The following NCKAP5 variants were observed in gnomAD, a reference collection of about 807,000 sequenced individuals.
The protein encoded by NCKAP5 is nck-associated protein 5.
Under a neutral mutation model 167.0 loss-of-function variants are expected in NCKAP5, and 92 were observed. The observed-to-expected ratio is 0.55, with a 90% CI of 0.47 to 0.66. The LOEUF is 0.66. NCKAP5 is among the 30% of genes least tolerant of loss of function. The probability of loss-of-function intolerance (pLI) is 0.00; values close to 1 mark genes in which losing one functional copy is unlikely to be tolerated. For synonymous variants in NCKAP5, 891 were observed against 877.4 expected, an observed-to-expected ratio of 1.02 and a Z score of -0.27; for missense variants, 2,378 against 2,315.0, an observed-to-expected ratio of 1.03 and a Z score of -0.56.
At chr2:133,208,516 T>C (rs1483895288) in intron 5 of NCKAP5, among the ~76,000 whole-genome samples, 3 of 152,142 alleles carry the variant, frequency 2.0e-5, no homozygotes, top group Non-Finnish European at 4.4e-5. Flanking sequence ...CAGTACTTCT[T>C]AAAACTACCA....
In NCKAP5 at chr2:133,224,984, T is replaced by C. The variant is rs79502690; in HGVS notation, c.144-11205A>G. Among the ~76,000 whole-genome samples the C allele has an allele frequency of 4.9e-3, 745 of 152,310 alleles. 5 individuals carry two copies. The highest frequency in any genetic ancestry group is 0.017 in the African/African-American group (713 of 41,574). On this transcript the variant is annotated intron_variant, in intron 4 of 19. Coordinates refer to ENST00000409261, the MANE Select transcript of NCKAP5 (RefSeq NM_207363.3). ...GTATTCCTTATGTTGCCACGCTCTC[T>C]AAGAAACTTGGAATTCCCTATGTTT...
chr2:133,125,115 C>T (rs570195041), intron 6 of NCKAP5, among the ~76,000 whole-genome samples: 2 of 152,168 alleles, frequency 1.3e-5, no homozygotes, highest in South Asian at 4.2e-4. Flanking sequence ...ACAGAGATAC[C>T]TTTGCAAATC....
intron 6 of NCKAP5, chr2:133,118,301 C>T (rs2082144270): frequency 6.6e-6 from 1 of 151,380 alleles, no homozygotes; most frequent in African/African-American, 2.4e-5. Context: ...TATCATACTT[C>T]AGGTTTAGTA....
the NCKAP5 span, among the ~76,000 whole-genome samples, chr2:133,591,333 G>A: frequency 6.6e-6 from 1 of 152,214 alleles, no homozygotes; most frequent in African/African-American, 2.4e-5. Context: ...TTTGCCAACT[G>A]AAGTCACGTG....
chr2:133,078,335 G>A (rs560674658), intron 6 of NCKAP5, among the ~76,000 whole-genome samples: 1 of 152,292 alleles, frequency 6.6e-6, no homozygotes, highest in East Asian at 1.9e-4. Flanking sequence ...AGGCTGAGGG[G>A]AAACCAGTGT....
intron 8 of NCKAP5, among the ~76,000 whole-genome samples, chr2:132,950,786 G>A (rs2076162591): frequency 1.3e-5 from 2 of 152,140 alleles, no homozygotes; most frequent in Admixed American, 1.3e-4. Flanking sequence ...CTACTACACT[G>A]TATGGGAGGC....
intron 11 of NCKAP5, among the ~76,000 whole-genome samples, chr2:132,839,203 T>C (rs544838917): frequency 6.6e-6 from 1 of 152,232 alleles, no homozygotes; most frequent in Non-Finnish European, 1.5e-5. Flanking sequence ...TTAATTTTTA[T>C]AGAATCAAAT....
At chr2:133,477,363 G>A (rs1181290257) in intron 3 of NCKAP5, among the ~76,000 whole-genome samples, 4 of 152,086 alleles carry the variant, frequency 2.6e-5, no homozygotes, top group Admixed American at 2.6e-4. Flanking sequence ...AAATCTTCTT[G>A]GCTGACTTAT....
chr2:132,871,775 C>T (rs1690836628), intron 9 of NCKAP5, among the ~76,000 whole-genome samples: 1 of 145,488 alleles, frequency 6.9e-6, no homozygotes, highest in Admixed American at 7.3e-5. Flanking sequence ...GTTATATTAC[C>T]TAGAAGGACT....
At chr2:133,611,734 C>A in the NCKAP5 span, among the ~76,000 whole-genome samples, 1 of 152,172 alleles carries the variant, frequency 6.6e-6, no homozygotes, top group Non-Finnish European at 1.5e-5. Flanking sequence ...AAGTCCCTCA[C>A]TTCTCTCCAA....
At chr2:132,780,958 C>T (rs1682978283) in intron 15 of NCKAP5, 94 bp downstream of exon 15, 33 of 1,291,190 alleles carry the variant, frequency 2.6e-5, no homozygotes, top group Non-Finnish European at 3.4e-5. Context: ...GTTGCAATCT[C>T]TTACCCATAC....
At chr2:133,404,695 C>A (rs1261088620) in intron 3 of NCKAP5, among the ~76,000 whole-genome samples, 1 of 152,148 alleles carries the variant, frequency 6.6e-6, no homozygotes, top group Non-Finnish European at 1.5e-5. Flanking sequence ...TCTTTTTATA[C>A]TTGTGTTATA....
intron 8 of NCKAP5, among the ~76,000 whole-genome samples, chr2:132,881,127 T>C (rs1364885284): frequency 6.6e-6 from 1 of 152,228 alleles, no homozygotes; most frequent in Admixed American, 6.5e-5. Context: ...CATTCGACTG[T>C]CATTGCCATT....
intron 4 of NCKAP5, among the ~76,000 whole-genome samples, chr2:133,296,243 A>T (rs1451662086): frequency 1.3e-5 from 2 of 152,160 alleles, no homozygotes; most frequent in Non-Finnish European, 2.9e-5. Context: ...CAGGTCTTGC[A>T]GCCCCCACCC....
chr2:133,169,251 C>A (rs2084135044), intron 5 of NCKAP5, among the ~76,000 whole-genome samples: 1 of 152,172 alleles, frequency 6.6e-6, no homozygotes, highest in Non-Finnish European at 1.5e-5. Context: ...TCACTATTTG[C>A]CGTTCCATTC....
At chr2:133,588,542 A>G in the NCKAP5 span, among the ~76,000 whole-genome samples, 2 of 151,662 alleles carry the variant, frequency 1.3e-5, no homozygotes, top group Non-Finnish European at 2.9e-5. Flanking sequence ...CCCATTTATC[A>G]AAAGTTTGTT....
chr2:133,178,620 T>C (rs2084584337), intron 5 of NCKAP5, among the ~76,000 whole-genome samples: 1 of 147,444 alleles, frequency 6.8e-6, no homozygotes, highest in Admixed American at 6.8e-5. Context: ...GGTCAGAAGA[T>C]TGAGACCATC....
rs557879727 is a variant in NCKAP5, at chr2:132,806,385, C to T, written c.808-9656G>A. On this transcript the variant is annotated intron_variant, in intron 11 of 19. Coordinates refer to ENST00000409261, the MANE Select transcript of NCKAP5 (RefSeq NM_207363.3). The stretch of plus-strand genomic sequence containing the variant: ...ATAGTGGTTGTACTAGTTTACATTC[C>T]CAGCGGCAGTGTAGAAGTGTTCCCT... Among the ~76,000 whole-genome samples the T allele has an allele frequency of 1.7e-4, 26 of 152,164 alleles. No individual in the cohort carries two copies. In the East Asian group the frequency reaches 4.8e-3, roughly 28 times the overall value.
At chr2:133,081,160 T>C (rs1037712746) in intron 6 of NCKAP5, among the ~76,000 whole-genome samples, 1 of 152,142 alleles carries the variant, frequency 6.6e-6, no homozygotes. Flanking sequence ...AAAGAAGCCC[T>C]AAAATACATT....
Sources: gnomAD v4.1 joint callset for allele counts (sites outside exome capture counted in the v4.1 genomes callset) on GRCh38, gnomAD v4.1.1 for gene constraint, MANE v1.5 for transcripts, NCBI Gene and HGNC (gene_info 2026-07-23, HGNC 2026-07-21) for gene names.